Variants in DAB1 observed in about 807,000 individuals in gnomAD.
DAB1 encodes DAB adaptor protein 1, also known as disabled homolog 1.
In DAB1, 15 loss-of-function variants were observed where a neutral mutation model predicts 64.6. The observed-to-expected ratio is 0.23, with a 90% CI of 0.16 to 0.36. The LOEUF is 0.36. Among genes scored for constraint, DAB1 ranks in the 10% least tolerant of loss-of-function variants. DAB1 has a pLI of 1.00. For synonymous variants in DAB1, 235 were observed against 251.9 expected (o/e 0.93, Z 0.64); for missense variants, 596 against 706.7 (o/e 0.84, Z 1.78).
intron 7 of DAB1, among the ~76,000 whole-genome samples, chr1:57,462,899 G>A (rs1686832686): frequency 6.6e-6 from 1 of 152,118 alleles, no homozygotes; most frequent in Admixed American, 6.6e-5. Flanking sequence ...TAGTCAGTCT[G>A]GCTTGGCATA....
At chr1:57,194,154 T>C (rs1569845786) in intron 2 of DAB1, among the ~76,000 whole-genome samples, 1 of 152,206 alleles carries the variant, frequency 6.6e-6, no homozygotes, top group Admixed American at 6.5e-5. Context: ...GGAGGGCTTG[T>C]TAAAGAAGAG....
At chr1:58,465,671 G>A (rs1467972222) in intron 3 of DAB1, among the ~76,000 whole-genome samples, 1 of 152,086 alleles carries the variant, frequency 6.6e-6, no homozygotes, top group East Asian at 1.9e-4. Flanking sequence ...TCAAACCAAT[G>A]CATTGAAATG....
rs1557485417 is a variant in DAB1, at chr1:57,795,700, T to TAC, written n.551+88298_551+88299insGT. ...TGAATTATGCTTGGAGATATATATA[T>TAC]ATATATATATATATATATATATATA... On this transcript the variant is annotated intron_variant and non_coding_transcript_variant, in intron 6 of 20. Coordinates refer to the DAB1 transcript ENST00000485760. Among the ~76,000 whole-genome samples, 51 of 75,924 alleles carry TAC rather than the reference T, an allele frequency of 6.7e-4. No individual in the cohort carries two copies. In the South Asian group the frequency reaches 0.022, roughly 33 times the overall value. The allele number at this position is 75,924 out of a possible 152,430, so 49.8% of individuals were successfully genotyped here.
chr1:57,047,975 C>A (rs141793305), intron 9 of DAB1, among the ~76,000 whole-genome samples: 43 of 152,320 alleles, frequency 2.8e-4, no homozygotes, highest in African/African-American at 1.0e-3. Flanking sequence ...ATAATAATAA[C>A]TCTGGCTGAC....
At chr1:57,860,754 G>C (rs1301575096) in intron 1 of DAB1, 1 of 152,184 alleles carries the variant, frequency 6.6e-6, no homozygotes, top group Non-Finnish European at 1.5e-5. Flanking sequence ...GCACCAAATG[G>C]GGACATTCCA....
chr1:57,527,488 A>T (rs1397467240), intron 7 of DAB1, among the ~76,000 whole-genome samples: 1 of 152,188 alleles, frequency 6.6e-6, no homozygotes, highest in Non-Finnish European at 1.5e-5. Flanking sequence ...CTTCCTCAAG[A>T]TGACAGAGGC....
chr1:58,536,686 C>A, intron 1 of DAB1: 1 of 872,796 alleles, frequency 1.1e-6, no homozygotes, highest in South Asian at 1.3e-5. Context: ...CTTATATTTT[C>A]TTTAACTACT....
intron 5 of DAB1, among the ~76,000 whole-genome samples, chr1:58,139,304 C>T (rs1654146046): frequency 6.6e-6 from 1 of 152,110 alleles, no homozygotes. Flanking sequence ...TTCGTCCATT[C>T]TCATGCTACT....
chr1:57,132,184 C>T (rs758727651), intron 4 of DAB1, among the ~76,000 whole-genome samples: 11 of 152,118 alleles, frequency 7.2e-5, no homozygotes, highest in Non-Finnish European at 1.3e-4. Context: ...ACACTTGTAT[C>T]TGTATCACAC....
At chr1:58,142,232 C>T (rs1158813335) in intron 5 of DAB1, among the ~76,000 whole-genome samples, 4 of 152,152 alleles carry the variant, frequency 2.6e-5, no homozygotes, top group African/African-American at 7.2e-5. Flanking sequence ...TTATCCCCTG[C>T]CACTCGGCTG....
chr1:58,541,321 A>C (rs1358221621), intron 1 of DAB1, among the ~76,000 whole-genome samples: 9 of 129,438 alleles, frequency 7.0e-5, no homozygotes, highest in Non-Finnish European at 8.5e-5. Context: ...AAAAAAAAAA[A>C]AAAAAAAAAA....
intron 7 of DAB1, among the ~76,000 whole-genome samples, chr1:57,566,528 G>T (rs958985015): frequency 1.3e-5 from 2 of 152,020 alleles, no homozygotes; most frequent in Non-Finnish European, 2.9e-5. Context: ...TAGACCGCTA[G>T]CAAGATTAAT....
chr1:57,851,183 T>TA (rs1166531084), intron 1 of DAB1, among the ~76,000 whole-genome samples: 1 of 152,244 alleles, frequency 6.6e-6, no homozygotes, highest in African/African-American at 2.4e-5. Flanking sequence ...TGACAATAGT[T>TA]ACAAAGACCA....
At chr1:57,145,069 G>C (rs1264801899) in intron 3 of DAB1, among the ~76,000 whole-genome samples, 2 of 152,156 alleles carry the variant, frequency 1.3e-5, no homozygotes, top group Non-Finnish European at 2.9e-5. Context: ...CTCAAAAATT[G>C]TAAACCTGGG....
chr1:57,413,980 C>T (rs953848046), intron 1 of DAB1, among the ~76,000 whole-genome samples: 1 of 152,116 alleles, frequency 6.6e-6, no homozygotes, highest in African/African-American at 2.4e-5. Context: ...GCTGTAGTCT[C>T]ATGCTACAAC....
chr1:58,085,958 CTT>C (rs911523306), intron 5 of DAB1, among the ~76,000 whole-genome samples: 5 of 98,702 alleles, frequency 5.1e-5, no homozygotes, highest in East Asian at 4.0e-4. Context: ...ATCTCTCTCT[CTT>C]TTTTTTTTTT....
At chr1:58,089,424 G>A (rs1339686887) in intron 5 of DAB1, among the ~76,000 whole-genome samples, 1 of 152,212 alleles carries the variant, frequency 6.6e-6, no homozygotes, top group East Asian at 1.9e-4. Context: ...CTTGAACAAA[G>A]ATTAAGGTTT....
chr1:57,893,097 T>G (rs1644341550), intron 5 of DAB1, among the ~76,000 whole-genome samples: 1 of 150,858 alleles, frequency 6.6e-6, no homozygotes, highest in South Asian at 2.1e-4. Flanking sequence ...GAGTGAATAT[T>G]GCAGAGAGAT....
chr1:57,530,254 T>G (rs776533085), intron 7 of DAB1, among the ~76,000 whole-genome samples: 2 of 152,182 alleles, frequency 1.3e-5, no homozygotes, highest in Non-Finnish European at 2.9e-5. Context: ...CCTCTCTTGG[T>G]CTCAGCTTTG....
Sources: gnomAD v4.1 joint callset for allele counts (sites outside exome capture counted in the v4.1 genomes callset) on GRCh38, gnomAD v4.1.1 for gene constraint, MANE v1.5 for transcripts, NCBI Gene and HGNC (gene_info 2026-07-23, HGNC 2026-07-21) for gene names.